Variants in AGTPBP1 observed in about 807,000 individuals in gnomAD.
The protein encoded by AGTPBP1 is ATP/GTP binding carboxypeptidase 1, also known as cytosolic carboxypeptidase 1.
A neutral mutation model predicts 143.9 loss-of-function variants in AGTPBP1; 70 were observed. That is an observed-to-expected ratio of 0.49 (90% CI 0.40 to 0.59). The LOEUF (loss-of-function observed/expected upper bound fraction) is 0.59, where lower values mean the gene tolerates loss of function less well. Ranked by LOEUF, AGTPBP1 falls within the 20% of genes least tolerant of loss-of-function variation. The pLI, the probability that AGTPBP1 is intolerant of heterozygous loss-of-function variation, is 0.00. For synonymous variants in AGTPBP1, 463 were observed against 500.2 expected (o/e 0.93, Z 0.99); for missense variants, 1,229 against 1,464.5 (o/e 0.84, Z 2.62).
chr9:85,760,051 CT>C, the AGTPBP1 span, among the ~76,000 whole-genome samples: 1 of 151,988 alleles, frequency 6.6e-6, no homozygotes, highest in Non-Finnish European at 1.5e-5. Flanking sequence ...CACGTACACC[CT>C]CCCAAGACTA....
chr9:85,570,015 C>T (rs1827359171), intron 25 of AGTPBP1, among the ~76,000 whole-genome samples: 2 of 152,168 alleles, frequency 1.3e-5, no homozygotes, highest in South Asian at 4.1e-4. Context: ...TCCCCTATTA[C>T]CTGCAGAGGA....
At chr9:85,571,288 C>T (rs1185581465) in intron 25 of AGTPBP1, among the ~76,000 whole-genome samples, 1 of 151,994 alleles carries the variant, frequency 6.6e-6, no homozygotes, top group Non-Finnish European at 1.5e-5. Flanking sequence ...TGATTCCAAC[C>T]CTGAGATAAA....
chr9:85,618,947 G>A, intron 17 of AGTPBP1, 36 bp downstream of exon 17: 1 of 1,582,822 alleles, frequency 6.3e-7, no homozygotes, highest in Non-Finnish European at 8.6e-7. Flanking sequence ...TAAGATGCCT[G>A]CATGCCATTT....
the AGTPBP1 span, among the ~76,000 whole-genome samples, chr9:85,766,081 C>A: frequency 6.6e-6 from 1 of 151,024 alleles, no homozygotes; most frequent in East Asian, 1.9e-4. Flanking sequence ...TTAAGGAATT[C>A]TGCCTGCCTG....
At chr9:85,624,803 G>C (rs1831168195) in intron 14 of AGTPBP1, among the ~76,000 whole-genome samples, 1 of 152,046 alleles carries the variant, frequency 6.6e-6, no homozygotes, top group African/African-American at 2.4e-5. Flanking sequence ...ACATAATCAA[G>C]GAACTACTTT....
chr9:85,718,730 A>G (rs573635759), intron 1 of AGTPBP1, among the ~76,000 whole-genome samples: 2 of 152,268 alleles, frequency 1.3e-5, no homozygotes, highest in South Asian at 2.1e-4. Flanking sequence ...TGTTTTAGTC[A>G]TGAAATGTTT....
intron 11 of AGTPBP1, among the ~76,000 whole-genome samples, chr9:85,652,759 G>T (rs974780830): frequency 6.6e-6 from 1 of 152,194 alleles, no homozygotes; most frequent in African/African-American, 2.4e-5. Flanking sequence ...GGAACAGGTT[G>T]TGGAAACCCC....
At chr9:85,643,243 C>CAT (rs1832609425) in intron 12 of AGTPBP1, among the ~76,000 whole-genome samples, 1 of 151,990 alleles carries the variant, frequency 6.6e-6, no homozygotes. Flanking sequence ...GAAAAACATA[C>CAT]ATATATATGA....
chr9:85,784,697 T>C, the AGTPBP1 span, among the ~76,000 whole-genome samples: 2 of 152,108 alleles, frequency 1.3e-5, no homozygotes, highest in Admixed American at 6.5e-5. Context: ...CTAGTTCAGG[T>C]TATTTGATTT....
chr9:85,741,168 C>A (rs1824237868), intron 1 of AGTPBP1: 1 of 973,172 alleles, frequency 1.0e-6, no homozygotes, highest in African/African-American at 1.8e-5. Flanking sequence ...AGGTTCAAAC[C>A]AAACGCTCAA....
intron 2 of AGTPBP1, among the ~76,000 whole-genome samples, chr9:85,711,583 G>A (rs1212012784): frequency 6.6e-6 from 1 of 151,800 alleles, no homozygotes; most frequent in Non-Finnish European, 1.5e-5. Context: ...GGGACTACAG[G>A]CGCCTACCAC....
the AGTPBP1 span, among the ~76,000 whole-genome samples, chr9:85,798,556 T>C: frequency 0.21 from 31,749 of 151,058 alleles, 4,350 homozygotes; most frequent in South Asian, 0.45. Flanking sequence ...TTAGTAGAGA[T>C]GGGGTTTCAC....
intron 1 of AGTPBP1, among the ~76,000 whole-genome samples, chr9:85,737,204 C>CA (rs1405295541): frequency 6.6e-6 from 1 of 152,172 alleles, no homozygotes; most frequent in Non-Finnish European, 1.5e-5. Context: ...TTTTATGTGA[C>CA]AAAATGGGAA....
chr9:85,790,145 T>C, the AGTPBP1 span, among the ~76,000 whole-genome samples: 1 of 152,184 alleles, frequency 6.6e-6, no homozygotes, highest in Non-Finnish European at 1.5e-5. Flanking sequence ...TTCTTCTACA[T>C]TTATATTTTC....
upstream of AGTPBP1, among the ~76,000 whole-genome samples, chr9:85,743,358 C>T (rs542154804): frequency 6.6e-6 from 1 of 152,142 alleles, no homozygotes; most frequent in Admixed American, 6.5e-5. Context: ...CAACACAGAC[C>T]CAGGAGATTA....
chr9:85,748,582 A>G, the AGTPBP1 span, among the ~76,000 whole-genome samples: 4 of 152,150 alleles, frequency 2.6e-5, no homozygotes, highest in Non-Finnish European at 5.9e-5. Context: ...TTCATGGGGG[A>G]AAAATGTAGT....
chr9:85,719,255 G>A (rs1324181929), intron 1 of AGTPBP1, among the ~76,000 whole-genome samples: 1 of 152,138 alleles, frequency 6.6e-6, no homozygotes, highest in Non-Finnish European at 1.5e-5. Context: ...ATTACCTTGG[G>A]CAGTATGGCC....
At chr9:85,620,060 T>C (rs1830826780) in intron 15 of AGTPBP1, among the ~76,000 whole-genome samples, 1 of 152,162 alleles carries the variant, frequency 6.6e-6, no homozygotes, top group African/African-American at 2.4e-5. Context: ...ATTTCAAATT[T>C]AGTCATTAGC....
Position 85,633,105 on chromosome 9 carries a change from A to G in AGTPBP1, c.1572T>C (p.His524=). Residue 524 remains histidine (H), a synonymous_variant, in exon 14 of 26, where the codon CAT becomes CAC. Coordinates refer to ENST00000357081, the MANE Select transcript of AGTPBP1 (RefSeq NM_001330701.2). ...GDQNRTISSV[H]GLNNDIVKAL... is the part of the protein sequence containing the mutation. ...CCTTTACAATATCATTGTTTAAACC[A>G]TGGACTGATGAAATAGTTCTATTTT... is the stretch of plus-strand genomic sequence containing the variant. 1.2e-6 allele frequency: 2 copies of G among 1,614,158 alleles called. No individual in the cohort carries two copies. The highest frequency in any genetic ancestry group is 1.7e-6 in the Non-Finnish European group (2 of 1,180,006).
Sources: allele counts gnomAD v4.1 joint callset (sites outside exome capture counted in the v4.1 genomes callset), GRCh38; gene constraint gnomAD v4.1.1; transcripts MANE v1.5; gene names NCBI Gene and HGNC (gene_info 2026-07-23, HGNC 2026-07-21).